The following TENM3 variants were observed in gnomAD, a reference collection of about 807,000 sequenced individuals.
The protein encoded by TENM3 is teneurin transmembrane protein 3, also known as teneurin-3.
TENM3 carries 63 observed loss-of-function variants against 255.1 expected under a neutral mutation model. That is an observed-to-expected ratio of 0.25 (90% confidence interval 0.20 to 0.30). The LOEUF (loss-of-function observed/expected upper bound fraction) is 0.30, where lower values mean the gene tolerates loss of function less well. Among genes scored for constraint, TENM3 ranks in the 10% least tolerant of loss-of-function variants. TENM3 has a pLI of 1.00. For missense variants in TENM3, 2,929 were observed against 3,461.1 expected (o/e 0.85, Z 3.86); for synonymous variants, 1,306 against 1,322.3 (o/e 0.99, Z 0.27).
chr4:182,049,572 C>A, the TENM3 span, among the ~76,000 whole-genome samples: 2 of 152,192 alleles, frequency 1.3e-5, no homozygotes, highest in Non-Finnish European at 2.9e-5. Flanking sequence ...TGACGCATAA[C>A]GTCTCTCACT....
chr4:181,817,161 A>G, the TENM3 span, among the ~76,000 whole-genome samples: 12 of 152,318 alleles, frequency 7.9e-5, no homozygotes, highest in Middle Eastern at 3.4e-3. Context: ...CAGTAGTTAT[A>G]TAAAAGTTTA....
intron 3 of TENM3, among the ~76,000 whole-genome samples, chr4:182,598,368 A>C (rs990350130): frequency 6.6e-6 from 1 of 152,162 alleles, no homozygotes; most frequent in African/African-American, 2.4e-5. Context: ...ACACTGCTGC[A>C]CTAGCCTGGG....
chr4:182,455,388 C>G (rs1561464971), intron 3 of TENM3, among the ~76,000 whole-genome samples: 1 of 151,956 alleles, frequency 6.6e-6, no homozygotes, highest in Non-Finnish European at 1.5e-5. Context: ...ACTGTCGTCA[C>G]AGTTGTCATT....
chr4:182,440,570 C>T (rs370596694), intron 3 of TENM3, among the ~76,000 whole-genome samples: 16 of 152,136 alleles, frequency 1.1e-4, no homozygotes, highest in East Asian at 7.7e-4. Flanking sequence ...TTCTCAGCTA[C>T]CTCCACCCCC....
At chr4:181,669,127 C>G in the TENM3 span, among the ~76,000 whole-genome samples, 1 of 152,138 alleles carries the variant, frequency 6.6e-6, no homozygotes, top group South Asian at 2.1e-4. Context: ...AATAATTGAG[C>G]CCTGTTTAGA....
chr4:182,172,985 A>T (rs1752206962), intron 1 of TENM3, among the ~76,000 whole-genome samples: 2 of 152,206 alleles, frequency 1.3e-5, no homozygotes, highest in African/African-American at 4.8e-5. Flanking sequence ...CTTTGTGACC[A>T]CATGAATATG....
the TENM3 span, among the ~76,000 whole-genome samples, chr4:181,505,430 T>C: frequency 1.3e-5 from 2 of 152,216 alleles, no homozygotes; most frequent in Non-Finnish European, 2.9e-5. Context: ...TTTAATTTTC[T>C]TTGAACAACT....
chr4:182,300,131 G>A (rs1761763975), intron 1 of TENM3, among the ~76,000 whole-genome samples: 2 of 152,092 alleles, frequency 1.3e-5, no homozygotes, highest in African/African-American at 4.8e-5. Context: ...GGCAAGGCTG[G>A]TCTTGAATTC....
At chr4:182,452,156 T>C (rs1430738373) in intron 3 of TENM3, among the ~76,000 whole-genome samples, 1 of 152,232 alleles carries the variant, frequency 6.6e-6, no homozygotes, top group Admixed American at 6.5e-5. Flanking sequence ...TTCTATCTTA[T>C]CATAGATGTG....
chr4:181,479,881 G>A, the TENM3 span, among the ~76,000 whole-genome samples: 1 of 152,128 alleles, frequency 6.6e-6, no homozygotes, highest in African/African-American at 2.4e-5. Context: ...CTTAATGGGT[G>A]AGAGAATATT....
chr4:182,573,322 TGTATC>T (rs1744595903), intron 3 of TENM3, among the ~76,000 whole-genome samples: 1 of 152,172 alleles, frequency 6.6e-6, no homozygotes, highest in Non-Finnish European at 1.5e-5. Flanking sequence ...ACAACATAAA[TGTATC>T]AAATCAATTA....
chr4:182,741,573 G>A (rs1163577695), intron 18 of TENM3, among the ~76,000 whole-genome samples: 1 of 152,146 alleles, frequency 6.6e-6, no homozygotes, highest in African/African-American at 2.4e-5. Flanking sequence ...TTCTTCTGAT[G>A]AAAATTACAC....
the TENM3 span, among the ~76,000 whole-genome samples, chr4:181,464,308 C>T: frequency 6.6e-6 from 1 of 152,286 alleles, no homozygotes; most frequent in South Asian, 2.1e-4. Context: ...TCCTCACTAA[C>T]AATTGTCATT....
chr4:182,181,229 C>T (rs1037075640), intron 1 of TENM3, among the ~76,000 whole-genome samples: 53 of 152,054 alleles, frequency 3.5e-4, no homozygotes, highest in African/African-American at 1.3e-3. Context: ...TTTGCTGTTC[C>T]CCCTGAACCT....
At chr4:182,596,164 AG>A (rs1747199807) in intron 3 of TENM3, among the ~76,000 whole-genome samples, 1 of 152,236 alleles carries the variant, frequency 6.6e-6, no homozygotes, top group Non-Finnish European at 1.5e-5. Context: ...CTTGCCTTTC[AG>A]GATCTAAGAG....
chr4:181,644,216 G>A, the TENM3 span, among the ~76,000 whole-genome samples: 2 of 151,918 alleles, frequency 1.3e-5, no homozygotes, highest in Non-Finnish European at 2.9e-5. Context: ...CAAGCAACTA[G>A]CCAGTGTTCC....
At chr4:182,223,896 C>T (rs1299047032) in intron 1 of TENM3, among the ~76,000 whole-genome samples, 2 of 151,780 alleles carry the variant, frequency 1.3e-5, no homozygotes, top group Non-Finnish European at 1.5e-5. Flanking sequence ...AGTGGCCTGT[C>T]CAGCAGATAG....
chr4:182,109,686 G>A, the TENM3 span, among the ~76,000 whole-genome samples: 1 of 152,186 alleles, frequency 6.6e-6, no homozygotes, highest in Non-Finnish European at 1.5e-5. Context: ...CCATACTGAG[G>A]TCCGAATTTC....
intron 5 of TENM3, among the ~76,000 whole-genome samples, chr4:182,630,119 A>C (rs1371604185): frequency 6.6e-6 from 1 of 152,204 alleles, no homozygotes; most frequent in Non-Finnish European, 1.5e-5. Context: ...AGTCAGAGGT[A>C]AAAGCAAGAT....
Sources: allele counts gnomAD v4.1 joint callset (sites outside exome capture counted in the v4.1 genomes callset), GRCh38; gene constraint gnomAD v4.1.1; transcripts MANE v1.5; gene names NCBI Gene and HGNC (gene_info 2026-07-23, HGNC 2026-07-21).